DLG2: variants seen among roughly 807,000 people sequenced by gnomAD.
The protein encoded by DLG2 is discs large MAGUK scaffold protein 2.
DLG2 carries 45 observed loss-of-function variants against 132.5 expected under a neutral mutation model. The ratio of observed to expected loss-of-function variants is 0.34; its 90% CI spans 0.27 to 0.44. The LOEUF is 0.44. Among genes scored for constraint, DLG2 ranks in the 20% least tolerant of loss-of-function variants. DLG2 has a pLI of 1.00. For synonymous variants in DLG2, 424 were observed against 419.6 expected (o/e 1.01, Z -0.13); for missense variants, 1,045 against 1,196.9 (o/e 0.87, Z 1.87).
chr11:83,704,559 G>A (rs2083537513), intron 18 of DLG2, among the ~76,000 whole-genome samples: 2 of 150,524 alleles, frequency 1.3e-5, no homozygotes, highest in South Asian at 4.2e-4. Flanking sequence ...GCTCATACCT[G>A]TAATCTTAGC....
chr11:84,758,827 A>G (rs4451754), intron 6 of DLG2, among the ~76,000 whole-genome samples: 105,987 of 152,130 alleles, frequency 0.7, 37,571 homozygotes, highest in African/African-American at 0.81. Context: ...GCTCGTAAAG[A>G]TTACTTTTCT....
At chr11:85,287,070 G>T (rs927878487) in intron 3 of DLG2, among the ~76,000 whole-genome samples, 3 of 152,068 alleles carry the variant, frequency 2.0e-5, no homozygotes, top group Non-Finnish European at 4.4e-5. Context: ...GATTACAAAA[G>T]GGTAAGAGGA....
At chr11:84,842,298 C>T (rs911666503) in intron 6 of DLG2, among the ~76,000 whole-genome samples, 5 of 151,950 alleles carry the variant, frequency 3.3e-5, no homozygotes, top group Non-Finnish European at 2.9e-5. Flanking sequence ...GCATTCTTAT[C>T]GCCACTTTAC....
chr11:84,149,409 G>A (rs1596162517), intron 9 of DLG2, among the ~76,000 whole-genome samples: 1 of 152,128 alleles, frequency 6.6e-6, no homozygotes, highest in East Asian at 1.9e-4. Context: ...TAAAAGGTAA[G>A]GGTCCAGTTT....
At chr11:83,774,192 C>A (rs1283081092) in intron 18 of DLG2, among the ~76,000 whole-genome samples, 1 of 152,166 alleles carries the variant, frequency 6.6e-6, no homozygotes, top group Non-Finnish European at 1.5e-5. Context: ...AGTTTTGATA[C>A]TGAAGACATC....
chr11:85,570,337 T>C (rs113251694), intron 3 of DLG2, among the ~76,000 whole-genome samples: 102 of 152,310 alleles, frequency 6.7e-4, no homozygotes, highest in African/African-American at 2.4e-3. Context: ...ATATTCCATA[T>C]GGACTTGAGA....
chr11:85,422,557 T>A (rs1035341034), intron 3 of DLG2, among the ~76,000 whole-genome samples: 4 of 151,678 alleles, frequency 2.6e-5, no homozygotes, highest in Admixed American at 2.0e-4. Flanking sequence ...GTGGGGGGGA[T>A]TTGTCGGGGT....
rs145145116 is a variant in DLG2 at position 84,751,016 on chromosome 11, G to T, written c.358-216285C>A. Among the ~76,000 whole-genome samples the T allele has an allele frequency of 5.7e-4, 87 of 152,228 alleles. 1 individual carries two copies. The highest frequency in any genetic ancestry group is 2.0e-3 in the African/African-American group (85 of 41,562). On this transcript the variant is annotated intron_variant, in intron 6 of 27. Coordinates refer to ENST00000376104, the MANE Select transcript of DLG2 (RefSeq NM_001142699.3). ...CCTGTTATTGGCAATGTATTTAACT[G>T]ATGGCAGAGACAGCATTAGAAAAAA...
chr11:85,618,171 C>T (rs750328326), intron 2 of DLG2, among the ~76,000 whole-genome samples: 1 of 152,036 alleles, frequency 6.6e-6, no homozygotes, highest in Non-Finnish European at 1.5e-5. Flanking sequence ...CCTTTGCTGA[C>T]AAAGCAACCT....
chr11:84,602,426 T>C (rs967878108), intron 6 of DLG2, among the ~76,000 whole-genome samples: 6 of 151,956 alleles, frequency 3.9e-5, no homozygotes, highest in African/African-American at 1.4e-4. Context: ...GAAAACTTTG[T>C]GATATTAAAC....
At chr11:84,074,032 T>G (rs2096791287) in intron 10 of DLG2, among the ~76,000 whole-genome samples, 1 of 152,246 alleles carries the variant, frequency 6.6e-6, no homozygotes, top group Non-Finnish European at 1.5e-5. Flanking sequence ...AATCTCATGT[T>G]GTTATAGAGA....
intron 6 of DLG2, among the ~76,000 whole-genome samples, chr11:84,923,880 C>T (rs1364386183): frequency 6.6e-6 from 1 of 152,118 alleles, no homozygotes; most frequent in African/African-American, 2.4e-5. Context: ...AGTTGCCAGA[C>T]TCCATAATAA....
Position 84,421,312 on chromosome 11 carries a change from T to C in DLG2, c.519+113258A>G, listed in dbSNP as rs116462757. ...CCAAACTGATTAAGACAGGCTTTTA[T>C]GGTATATTTATGTCTGCAATTGTCA... On this transcript the variant is annotated intron_variant, in intron 7 of 27. Coordinates refer to ENST00000376104, the MANE Select transcript of DLG2 (RefSeq NM_001142699.3). Among the ~76,000 whole-genome samples the C allele has an allele frequency of 2.7e-3, 410 of 152,300 alleles. 5 individuals are homozygous for C. The highest frequency in any genetic ancestry group is 9.4e-3 in the African/African-American group (389 of 41,580).
At chr11:85,018,592 G>A (rs1009187553) in intron 6 of DLG2, among the ~76,000 whole-genome samples, 1 of 152,076 alleles carries the variant, frequency 6.6e-6, no homozygotes, top group East Asian at 1.9e-4. Context: ...TTAGAACAGA[G>A]ATATCCCTTT....
intron 11 of DLG2, among the ~76,000 whole-genome samples, chr11:84,045,017 T>C (rs2096209343): frequency 6.6e-6 from 1 of 151,690 alleles, no homozygotes; most frequent in African/African-American, 2.4e-5. Flanking sequence ...ATGGTTTTGG[T>C]TGCTAATTGT....
At chr11:84,098,889 C>T in intron 10 of DLG2, 34 bp downstream of exon 10, 2 of 1,605,560 alleles carry the variant, frequency 1.2e-6, no homozygotes, top group African/African-American at 1.3e-5. Context: ...AGCAGATTTA[C>T]TTTCAAAATC....
At chr11:84,927,227 T>C (rs2047495975) in intron 6 of DLG2, among the ~76,000 whole-genome samples, 1 of 152,054 alleles carries the variant, frequency 6.6e-6, no homozygotes, top group Non-Finnish European at 1.5e-5. Context: ...GACAAATAAT[T>C]CATATTGCTA....
At chr11:84,982,483 A>T (rs754707318) in intron 6 of DLG2, among the ~76,000 whole-genome samples, 28 of 152,096 alleles carry the variant, frequency 1.8e-4, no homozygotes, top group Middle Eastern at 3.4e-3. Context: ...GTTTATATAT[A>T]TTTTCTTATA....
intron 17 of DLG2, chr11:83,815,363 GTTCTTA>G (rs2048559494): frequency 6.6e-6 from 1 of 152,594 alleles, no homozygotes; most frequent in Non-Finnish European, 1.5e-5. Flanking sequence ...AACTGATCCA[GTTCTTA>G]TAATGGAGAC....
Sources: gnomAD v4.1 joint callset for allele counts (sites outside exome capture counted in the v4.1 genomes callset) on GRCh38, gnomAD v4.1.1 for gene constraint, MANE v1.5 for transcripts, NCBI Gene and HGNC (gene_info 2026-07-23, HGNC 2026-07-21) for gene names.